LRRC4B: variants seen among roughly 807,000 people sequenced by gnomAD.
LRRC4B encodes leucine-rich repeat-containing protein 4B.
LRRC4B carries 1 observed loss-of-function variant against 7.3 expected under a neutral mutation model. The ratio of observed to expected loss-of-function variants is 0.14; its 90% CI spans 0.05 to 0.65. The LOEUF (loss-of-function observed/expected upper bound fraction) is 0.65. Ranked by LOEUF, LRRC4B falls within the 30% of genes least tolerant of loss-of-function variation. The probability of loss-of-function intolerance (pLI) is 0.84; values close to 1 mark genes in which losing one functional copy is unlikely to be tolerated. For synonymous variants in LRRC4B, 500 were observed against 499.2 expected (o/e 1.00, Z -0.02); for missense variants, 730 against 1,041.6 (o/e 0.70, Z 4.12).
intron 2 of LRRC4B, among the ~76,000 whole-genome samples, chr19:50,522,746 G>GGGATTACC (rs1203164151): frequency 6.6e-6 from 1 of 152,166 alleles, no homozygotes; most frequent in African/African-American, 2.4e-5. Context: ...CCAAAGTGCT[G>GGGATTACC]GGATTACCGG....
At chr19:50,567,616 G>GC (rs890227597) in intron 1 of LRRC4B, among the ~76,000 whole-genome samples, 32 of 151,038 alleles carry the variant, frequency 2.1e-4, no homozygotes, top group African/African-American at 5.8e-4. Context: ...CGCCCGGAGA[G>GC]CCCCCCACCC....
chr19:50,532,884 C>T (rs1359195834), intron 2 of LRRC4B, among the ~76,000 whole-genome samples: 1 of 152,200 alleles, frequency 6.6e-6, no homozygotes, highest in Non-Finnish European at 1.5e-5. Flanking sequence ...CTGTTTCCCT[C>T]ACGCTTTTTG....
At chr19:50,526,773 C>A (rs1980825329) in intron 2 of LRRC4B, among the ~76,000 whole-genome samples, 5 of 151,870 alleles carry the variant, frequency 3.3e-5, no homozygotes, top group Admixed American at 3.3e-4. Context: ...CTACCCAGAG[C>A]TAATTTATGT....
intron 2 of LRRC4B, among the ~76,000 whole-genome samples, chr19:50,530,927 C>CT (rs1341787730): frequency 7.6e-5 from 7 of 92,448 alleles, no homozygotes; most frequent in African/African-American, 3.3e-4. Flanking sequence ...TAGTAGAAAC[C>CT]TGGGGGGGGG....
rs1345873837 is a variant in LRRC4B at position 50,553,629 on chromosome 19, C to T, written c.-35-4756G>A. 6.6e-6 allele frequency among the ~76,000 whole-genome samples: 1 copy of T among 152,228 alleles called. No individual in the cohort carries two copies. The highest frequency in any genetic ancestry group is 1.5e-5 in the Non-Finnish European group (1 of 68,038). ...ACAGCACCCCTATCCCTCTCCAGAA[C>T]CTTCTCTGTTTCCTTTTTCTCCATG... On this transcript the variant is annotated intron_variant, in intron 1 of 2. Coordinates refer to ENST00000652263, the MANE Select transcript of LRRC4B (RefSeq NM_001080457.2). The surrounding 1 kb of genome is among the most constrained non-coding windows in gnomAD (Gnocchi z 4.2).
chr19:50,541,855 C>T (rs1981564611), intron 2 of LRRC4B, among the ~76,000 whole-genome samples: 1 of 152,112 alleles, frequency 6.6e-6, no homozygotes, highest in African/African-American at 2.4e-5. Context: ...CAGCTAGAAG[C>T]CTCCGGGACG....
intron 2 of LRRC4B, among the ~76,000 whole-genome samples, chr19:50,540,335 C>T (rs1370842871): frequency 2.6e-5 from 4 of 152,076 alleles, no homozygotes; most frequent in Admixed American, 6.6e-5. Context: ...AGATCACTGG[C>T]GGCATTACAT....
intron 2 of LRRC4B, among the ~76,000 whole-genome samples, chr19:50,527,745 CTTTT>C (rs1980881146): frequency 1.4e-5 from 1 of 71,462 alleles, no homozygotes; most frequent in African/African-American, 6.0e-5. Context: ...TCTTTCTTTT[CTTTT>C]TTTCTTTTTT....
intron 1 of LRRC4B, among the ~76,000 whole-genome samples, chr19:50,561,957 A>G (rs1489176758): frequency 2.2e-5 from 3 of 137,372 alleles, no homozygotes; most frequent in Non-Finnish European, 3.3e-5. Flanking sequence ...AAATAAATAA[A>G]TAAATAAATA....
At chr19:50,564,881 GC>G (rs1417590297) in intron 1 of LRRC4B, among the ~76,000 whole-genome samples, 5 of 17,954 alleles carry the variant, frequency 2.8e-4, no homozygotes, top group Non-Finnish European at 1.5e-3. Context: ...GGCCACCCCC[GC>G]CCCCAATCCC....
In LRRC4B at chr19:50,519,869, T is replaced by C. The variant is rs1980477957; in HGVS notation, c.298-454A>G. Among the ~76,000 whole-genome samples the C allele has an allele frequency of 6.6e-6, 1 of 150,558 alleles. No homozygotes were observed. Among genetic ancestry groups the C allele is most frequent in the South Asian group, 2.1e-4 (1 of 4,760 alleles). On this transcript the variant is annotated intron_variant, in intron 2 of 2. Transcript: ENST00000652263. The surrounding 1 kb of genome is among the most constrained non-coding windows in gnomAD (Gnocchi z 8.1). ...GCCTGGGCAACAGAGCAAGACTCCATGTAGAAACAAACAAAAAAACTGGAT... is the reference window on the plus strand; with the variant it reads ...GCCTGGGCAACAGAGCAAGACTCCACGTAGAAACAAACAAAAAAACTGGAT...
At chr19:50,549,922 A>G (rs1981981966) in intron 1 of LRRC4B, among the ~76,000 whole-genome samples, 1 of 152,124 alleles carries the variant, frequency 6.6e-6, no homozygotes. Context: ...AGGAAAGCAG[A>G]CAGCGGGGAC....
At position 50,550,934 on chromosome 19, in the gene LRRC4B, C is replaced by T. The variant is rs116899548; in HGVS notation, c.-35-2061G>A. 3 of 152,336 alleles carry T rather than the reference C, an allele frequency of 2.0e-5. No individual in the cohort carries two copies. The East Asian group carries it at 5.8e-4, about 29-fold the overall frequency. 9.4% of individuals were successfully genotyped at this position (152,336 alleles called of 1,614,324 possible). ...ACACCCTCTTAGCCAAAGGGCTGGC[C>T]CAAAGCGCAGGGCCTGGATTTGAGG... On this transcript the variant is annotated intron_variant, in intron 1 of 2. Transcript: ENST00000652263.
intron 1 of LRRC4B, among the ~76,000 whole-genome samples, chr19:50,562,225 G>A (rs1982490818): frequency 6.6e-6 from 1 of 152,114 alleles, no homozygotes; most frequent in African/African-American, 2.4e-5. Context: ...GTCTCATGGA[G>A]GGAGGCGACC....
intron 1 of LRRC4B, among the ~76,000 whole-genome samples, chr19:50,565,170 A>T (rs968436651): frequency 6.6e-6 from 1 of 151,898 alleles, no homozygotes; most frequent in Admixed American, 6.6e-5. Context: ...CGACGCTGGC[A>T]CTCGGTTTGG....
chr19:50,564,285 T>G (rs143707006), intron 1 of LRRC4B, among the ~76,000 whole-genome samples: 1 of 152,074 alleles, frequency 6.6e-6, no homozygotes, highest in East Asian at 1.9e-4. Flanking sequence ...ATTAAACATG[T>G]TGAAAGCACT....
intron 2 of LRRC4B, among the ~76,000 whole-genome samples, chr19:50,546,543 G>A (rs1479431706): frequency 6.6e-5 from 10 of 152,082 alleles, no homozygotes; most frequent in African/African-American, 2.2e-4. Flanking sequence ...CCCCTGGGTG[G>A]GGAGGATGAG....
In LRRC4B at chr19:50,519,450, TACTG is replaced by T. The variant is rs1243220404; in HGVS notation, c.298-39_298-36del. On this transcript the variant is annotated intron_variant, in intron 2 of 2. Transcript: ENST00000652263. This position sits in a 1 kb window ranked among gnomAD's most constrained non-coding sequence, Gnocchi z 8.1. ...GGGAGACACGGATCAGTCACGGAGA[TACTG>T]ACGGGGACCGTGGGGGGATCACCAA... 6.6e-7 allele frequency: 1 copy of T among 1,522,274 alleles called. No homozygotes were observed. Among genetic ancestry groups the T allele is most frequent in the South Asian group, 1.2e-5 (1 of 80,278 alleles). 94.3% of individuals were successfully genotyped at this position (1,522,274 alleles called of 1,614,324 possible).
intron 1 of LRRC4B, among the ~76,000 whole-genome samples, chr19:50,551,726 G>A (rs982612604): frequency 3.3e-5 from 5 of 150,212 alleles, no homozygotes; most frequent in African/African-American, 7.4e-5. Flanking sequence ...CCCTGAGCCC[G>A]TCTCAGTCAG....
Sources: allele counts gnomAD v4.1 joint callset (sites outside exome capture counted in the v4.1 genomes callset), GRCh38; gene constraint gnomAD v4.1.1; non-coding constraint Gnocchi (gnomAD v3.1); transcripts MANE v1.5; gene names NCBI Gene and HGNC (gene_info 2026-07-23, HGNC 2026-07-21).